Variants in TCF7L1 observed in about 807,000 individuals in gnomAD.
The protein encoded by TCF7L1 is transcription factor 7-like 1.
In TCF7L1, 18 loss-of-function variants were observed where a neutral mutation model predicts 63.7. That is an observed-to-expected ratio of 0.28 (90% CI 0.20 to 0.42). The LOEUF is 0.42. Ranked by LOEUF, TCF7L1 falls within the 10% of genes least tolerant of loss-of-function variation. TCF7L1 has a pLI of 1.00. For missense variants in TCF7L1, 654 were observed against 779.3 expected (o/e 0.84, Z 1.91); for synonymous variants, 355 against 340.9 (o/e 1.04, Z -0.46).
intron 3 of TCF7L1, among the ~76,000 whole-genome samples, chr2:85,135,274 G>A (rs1451935141): frequency 3.9e-5 from 6 of 152,140 alleles, no homozygotes; most frequent in Non-Finnish European, 8.8e-5. Flanking sequence ...GGGGGCTGGC[G>A]AGGCCTTTGT....
At chr2:85,153,706 G>A (rs1280467802) in intron 3 of TCF7L1, among the ~76,000 whole-genome samples, 2 of 152,090 alleles carry the variant, frequency 1.3e-5, no homozygotes, top group Non-Finnish European at 2.9e-5. Flanking sequence ...TTTAATTTTG[G>A]ATTGCTAGTT....
rs1682230436 is a variant in TCF7L1, at chr2:85,309,685, A to G, written c.*223A>G. On this transcript the variant is annotated 3_prime_UTR_variant, in exon 12 of 12. Coordinates refer to ENST00000282111, the MANE Select transcript of TCF7L1 (RefSeq NM_031283.3). ...ACAACAAAAAAAAATCTTTATAAGA[A>G]AGAGAACTGAAAAGTAGCGTGCTAT... 4.3e-6 allele frequency: 2 copies of G among 468,132 alleles called. No homozygotes were observed. Among genetic ancestry groups the G allele is most frequent in the African/African-American group, 2.0e-5 (1 of 49,924 alleles). 29.0% of individuals were successfully genotyped at this position (468,132 alleles called of 1,614,324 possible). A position where few individuals can be genotyped will look rare whatever the true frequency, so the allele number is the denominator to read the frequency against.
chr2:85,255,835 T>TGGAGTCCA (rs996061968), intron 3 of TCF7L1, among the ~76,000 whole-genome samples: 2 of 152,202 alleles, frequency 1.3e-5, no homozygotes, highest in African/African-American at 4.8e-5. Flanking sequence ...CCTGTGTGTC[T>TGGAGTCCA]GGAGTCCAGG....
At chr2:85,268,070 G>A (rs868139830) in intron 3 of TCF7L1, among the ~76,000 whole-genome samples, 3 of 152,172 alleles carry the variant, frequency 2.0e-5, no homozygotes, top group Non-Finnish European at 4.4e-5. Flanking sequence ...AACTGTAGGG[G>A]AAAATATAAA....
chr2:85,159,880 G>A (rs769740273), intron 3 of TCF7L1, among the ~76,000 whole-genome samples: 7 of 152,128 alleles, frequency 4.6e-5, no homozygotes, highest in African/African-American at 1.4e-4. Flanking sequence ...CTCCACAAGC[G>A]TCTCTGTTGC....
chr2:85,307,764 C>T lies in TCF7L1; in HGVS notation c.1333+47C>T, dbSNP rs527735802. 3.9e-5 allele frequency: 59 copies of T among 1,532,014 alleles called. No individual in the cohort carries two copies. In the East Asian group the frequency reaches 1.2e-3, roughly 30 times the overall value. The allele number at this position is 1,532,014 out of a possible 1,614,324, so 94.9% of individuals were successfully genotyped here. ...TCTTCTCCTGCTTTTCCTTTTGTCA[C>T]AGCCACACCTGCCCATGCTGTCTCT... is the stretch of plus-strand genomic sequence containing the variant. On this transcript the variant is annotated intron_variant, in intron 11 of 11. Transcript: ENST00000282111.
intron 3 of TCF7L1, among the ~76,000 whole-genome samples, chr2:85,256,271 T>C (rs370284526): frequency 1.1e-4 from 16 of 151,620 alleles, no homozygotes; most frequent in African/African-American, 3.9e-4. Flanking sequence ...CTTTGTGTTC[T>C]CTGCAGCCAC....
intron 3 of TCF7L1, among the ~76,000 whole-genome samples, chr2:85,218,677 GC>G (rs1679770118): frequency 6.6e-6 from 1 of 151,866 alleles, no homozygotes; most frequent in Non-Finnish European, 1.5e-5. Context: ...CTTTCCTAAA[GC>G]TTTTGCATTT....
intron 3 of TCF7L1, among the ~76,000 whole-genome samples, chr2:85,172,593 G>A (rs1324172266): frequency 6.6e-6 from 1 of 152,080 alleles, no homozygotes; most frequent in East Asian, 1.9e-4. Flanking sequence ...CGCCTGGCTA[G>A]TTTTGTATTT....
intron 3 of TCF7L1, among the ~76,000 whole-genome samples, chr2:85,162,677 C>T (rs1208179757): frequency 1.3e-5 from 2 of 152,108 alleles, no homozygotes; most frequent in Non-Finnish European, 2.9e-5. Flanking sequence ...GTGTTTGAGC[C>T]TCTGCCGCAG....
chr2:85,226,330 G>A (rs961044067), intron 3 of TCF7L1, among the ~76,000 whole-genome samples: 5 of 152,178 alleles, frequency 3.3e-5, no homozygotes, highest in Admixed American at 2.0e-4. Context: ...TCTATTGATT[G>A]GAATAGTTTC....
At chr2:85,153,340 A>ATTTCTTT in intron 3 of TCF7L1, among the ~76,000 whole-genome samples, 1 of 102,272 alleles carries the variant, frequency 9.8e-6, no homozygotes, top group East Asian at 3.1e-4. Context: ...GCCTTTATAA[A>ATTTCTTT]TTTTTTTTTT....
chr2:85,185,155 T>C (rs1335527538), intron 3 of TCF7L1, among the ~76,000 whole-genome samples: 2 of 152,132 alleles, frequency 1.3e-5, no homozygotes, highest in Admixed American at 1.3e-4. Flanking sequence ...AGAAATTAGC[T>C]TCAGGAGAGT....
At chr2:85,242,136 A>C (rs922928368) in intron 3 of TCF7L1, among the ~76,000 whole-genome samples, 3 of 152,204 alleles carry the variant, frequency 2.0e-5, no homozygotes, top group African/African-American at 7.2e-5. Flanking sequence ...ATCACTTAAA[A>C]TCAAACCAAG....
At chr2:85,269,523 G>A (rs1318658298) in intron 3 of TCF7L1, among the ~76,000 whole-genome samples, 4 of 152,174 alleles carry the variant, frequency 2.6e-5, no homozygotes, top group African/African-American at 9.6e-5. Context: ...GTTTCACCAT[G>A]TTGCCCAGGC....
At chr2:85,241,786 C>A (rs1054656066) in intron 3 of TCF7L1, among the ~76,000 whole-genome samples, 1 of 152,128 alleles carries the variant, frequency 6.6e-6, no homozygotes, top group Admixed American at 6.5e-5. Context: ...CATGATAATT[C>A]AGGCCCCAGA....
At chr2:85,165,812 C>G (rs539345226) in intron 3 of TCF7L1, among the ~76,000 whole-genome samples, 1 of 152,270 alleles carries the variant, frequency 6.6e-6, no homozygotes, top group African/African-American at 2.4e-5. Flanking sequence ...GAACTTCCTC[C>G]AGCTTCCCCA....
intron 3 of TCF7L1, among the ~76,000 whole-genome samples, chr2:85,234,153 T>TTTTC (rs1558641614): frequency 2.2e-5 from 3 of 134,326 alleles, no homozygotes; most frequent in African/African-American, 9.8e-5. Context: ...TTTTTTTTTT[T>TTTTC]CGAGATGGAG....
intron 3 of TCF7L1, among the ~76,000 whole-genome samples, chr2:85,244,814 A>G (rs1338732512): frequency 2.0e-5 from 3 of 152,118 alleles, no homozygotes; most frequent in Non-Finnish European, 4.4e-5. Flanking sequence ...AGAAAAAAAG[A>G]GGTCAAGGGC....
Sources: allele counts gnomAD v4.1 joint callset (sites outside exome capture counted in the v4.1 genomes callset), GRCh38; gene constraint gnomAD v4.1.1; transcripts MANE v1.5; gene names NCBI Gene and HGNC (gene_info 2026-07-23, HGNC 2026-07-21).